Variants in IFT172 observed in about 807,000 individuals in gnomAD.
IFT172 encodes the protein intraflagellar transport protein 172 homolog.
A neutral mutation model predicts 248.9 loss-of-function variants in IFT172; 164 were observed. The ratio of observed to expected loss-of-function variants is 0.66; its 90% CI spans 0.58 to 0.75. The LOEUF (loss-of-function observed/expected upper bound fraction) is 0.75. Ranked by LOEUF, IFT172 falls within the 30% of genes least tolerant of loss-of-function variation. The probability of loss-of-function intolerance (pLI) is 0.00; values close to 1 mark genes in which losing one functional copy is unlikely to be tolerated. For synonymous variants in IFT172, 729 were observed against 791.6 expected (o/e 0.92, Z 1.33); for missense variants, 1,950 against 2,192.4 (o/e 0.89, Z 2.21).
chr2:27,479,191 G>C (rs1668171363), intron 10 of IFT172, among the ~76,000 whole-genome samples: 1 of 152,092 alleles, frequency 6.6e-6, no homozygotes, highest in African/African-American at 2.4e-5. Flanking sequence ...ATTTTTAGTA[G>C]AGACGGGGTT....
intron 16 of IFT172, among the ~76,000 whole-genome samples, chr2:27,469,325 G>A (rs1667376232): frequency 6.6e-6 from 1 of 151,952 alleles, no homozygotes; most frequent in Non-Finnish European, 1.5e-5. Flanking sequence ...CCTGGGAGGT[G>A]GAGGTTGCAA....
rs1407728980 is a variant in IFT172, at chr2:27,483,841, C to T, written c.402+31G>A. On this transcript the variant is annotated intron_variant, in intron 5 of 47. Transcript: ENST00000260570. ...CTCCAGAACCATTATCCCTACCACCCCCTCTCTTGTGTTTCCCTTCCCTCT... is the reference window on the plus strand; with the variant it reads ...CTCCAGAACCATTATCCCTACCACCTCCTCTCTTGTGTTTCCCTTCCCTCT... 9.0e-6 allele frequency: 14 copies of T among 1,560,162 alleles called. No individual in the cohort carries two copies. The East Asian group carries it at 1.1e-4, about 12-fold the overall frequency.
chr2:27,449,439 GGA>G (rs1665453706), intron 38 of IFT172, 58 bp downstream of exon 38: 4 of 1,612,744 alleles, frequency 2.5e-6, no homozygotes, highest in African/African-American at 1.3e-5. Context: ...GAAAGAAGAG[GGA>G]GAGAGTCTTG....
rs1329239436 is a variant in IFT172 at position 27,465,764 on chromosome 2, T to C, written c.1811A>G (p.Asp604Gly). 6.2e-6 allele frequency: 10 copies of C among 1,614,118 alleles called. No homozygotes were observed. Among genetic ancestry groups the C allele is most frequent in the South Asian group, 1.1e-5 (1 of 91,072 alleles). ...CTCTCACCGGATGTAGTTGCCATCA[T>C]CAATGGCTGTTCCAAACTCGATGAG... ...EGLIEFGTAIDDGNYIRATAF... is the reference protein window; with the variant it reads ...EGLIEFGTAIGDGNYIRATAF... The change falls in exon 17 of 48, where the codon GAT becomes GGT. Residue 604 changes from aspartate to glycine, a missense_variant. This residue lies in a region of IFT172 where 1,166 missense variants were observed against 1,254.1 expected (regional missense o/e 0.93). Transcript: ENST00000260570.
rs766026056 is a variant in IFT172, at chr2:27,456,657, T to C, written c.3229-4A>G. ...CCCCTCCTTGAGTTCTGGCCACCTG[T>C]AAAGCAAAGTCACTCAATAATCCTG... On this transcript the variant is annotated splice_region_variant and splice_polypyrimidine_tract_variant and intron_variant, in intron 29 of 47. Coordinates refer to ENST00000260570, the MANE Select transcript of IFT172 (RefSeq NM_015662.3). 8.1e-6 allele frequency: 13 copies of C among 1,612,364 alleles called. No individual in the cohort carries two copies. Among genetic ancestry groups the C allele is most frequent in the Admixed American group, 1.7e-5 (1 of 59,650 alleles).
In IFT172 at chr2:27,454,536, T is replaced by A. The variant is rs200359319; in HGVS notation, c.3465+31A>T. ...GCACTAGGGGATGGAATAAGAGGGC[T>A]CTGCGGTCGGGGTCCAAATCACACC... On this transcript the variant is annotated intron_variant, in intron 31 of 47. Transcript: ENST00000260570. This position sits in a 1 kb window ranked among gnomAD's most constrained non-coding sequence, Gnocchi z 4.2. 2.4e-4 allele frequency: 381 copies of A among 1,611,948 alleles called. No homozygotes were observed. Among genetic ancestry groups the A allele is most frequent in the Non-Finnish European group, 2.9e-4 (347 of 1,178,088 alleles).
rs1161953773 is a variant in IFT172, at chr2:27,489,653, T to TG, written c.-1dup. ...AGGGTCCTCAGGTGCTTCAAGTGCATGACGCACACCTGTCTTTCAGATGCT... is the reference window on the plus strand; with the variant it reads ...AGGGTCCTCAGGTGCTTCAAGTGCATGGACGCACACCTGTCTTTCAGATGCT... On this transcript the variant is annotated 5_prime_UTR_variant, in exon 1 of 48. Coordinates refer to ENST00000260570, the MANE Select transcript of IFT172 (RefSeq NM_015662.3). The TG allele has an allele frequency of 9.3e-6, 15 of 1,611,944 alleles. No individual in the cohort carries two copies. Among genetic ancestry groups the TG allele is most frequent in the Non-Finnish European group, 1.3e-5 (15 of 1,178,504 alleles).
chr2:27,448,956 AT>A lies in IFT172; in HGVS notation c.4386del (p.Leu1463TrpfsTer27). Reference protein sequence around the residue: ...HLIREGSSAQALALYVQHGAP... With the variant: ...HLIREGSSAQXLALYVQHGAP... ...GCTCCGTGCTGTACATACAGGGCCA[AT>A]GCCTGGGCAGAGCTACCCTCCCGGA... On this transcript the variant is annotated frameshift_variant, in exon 40 of 48. Coordinates refer to ENST00000260570, the MANE Select transcript of IFT172 (RefSeq NM_015662.3). LOFTEE classifies it high-confidence loss of function. The A allele has an allele frequency of 6.2e-7, 1 of 1,610,582 alleles. No individual in the cohort carries two copies. Among genetic ancestry groups the A allele is most frequent in the Non-Finnish European group, 8.5e-7 (1 of 1,176,718 alleles).
At chr2:27,463,927 G>A (rs1010027112) in intron 18 of IFT172, among the ~76,000 whole-genome samples, 1 of 152,142 alleles carries the variant, frequency 6.6e-6, no homozygotes, top group East Asian at 1.9e-4. Flanking sequence ...CAGGGCTAAG[G>A]CCACACAAGG....
At chr2:27,468,665 C>T (rs547069484) in intron 16 of IFT172, among the ~76,000 whole-genome samples, 9 of 151,786 alleles carry the variant, frequency 5.9e-5, no homozygotes, top group African/African-American at 1.4e-4. Flanking sequence ...CTGGCTAACA[C>T]GGTGAAACCC....
chr2:27,470,734 G>C, intron 16 of IFT172, 194 bp downstream of exon 16: 1 of 502,058 alleles, frequency 2.0e-6, no homozygotes, highest in Non-Finnish European at 3.4e-6. Flanking sequence ...ATACTCCAAG[G>C]GTCTAATATA....
At chr2:27,481,968 T>C (rs961220481) in intron 7 of IFT172, among the ~76,000 whole-genome samples, 1 of 151,784 alleles carries the variant, frequency 6.6e-6, no homozygotes, top group Non-Finnish European at 1.5e-5. Flanking sequence ...CAAATTTCAG[T>C]ATTATACGAA....
intron 23 of IFT172, 80 bp downstream of exon 23, chr2:27,460,935 C>T (rs1374993235): frequency 1.3e-6 from 2 of 1,521,358 alleles, no homozygotes; most frequent in East Asian, 2.3e-5. Context: ...GTAGGGGCAA[C>T]CCACCCCTAC....
rs2148515483 is a variant in IFT172 at position 27,465,505 on chromosome 2, A to G, written c.1843T>C (p.Leu615=). The change falls in exon 18 of 48, where the codon TTA becomes CTA. Residue 615 remains leucine (L), a synonymous_variant. Coordinates refer to ENST00000260570, the MANE Select transcript of IFT172 (RefSeq NM_015662.3). ...TCTGGGGTCATTTCCAGAGTCTCTA[A>G]GAAGGCTGTTGCCCTGGAAAGGGAA... ...DGNYIRATAF[L]ETLEMTPETE... The G allele has an allele frequency of 6.2e-7, 1 of 1,614,140 alleles. No homozygotes were observed. The highest frequency in any genetic ancestry group is 8.5e-7 in the Non-Finnish European group (1 of 1,180,008).
chr2:27,472,253 A>G lies in IFT172; in HGVS notation c.1521T>C (p.Leu507=), dbSNP rs1296581026. Reference sequence around the variant, plus strand: ...AGGCCTTAGTAGCTCTTCTCACACGAAGTTTCCGGTCCCTGAAGAGGAGCT... The same window carrying G: ...AGGCCTTAGTAGCTCTTCTCACACGGAGTTTCCGGTCCCTGAAGAGGAGCT... ...GHKLLFRDRK[L]RLHLYDIESC... is the part of the protein sequence containing the mutation. The change falls in exon 15 of 48, where the codon CTT becomes CTC. Residue 507 remains leucine, a synonymous_variant. Transcript: ENST00000260570. 17 of 1,612,906 alleles carry G rather than the reference A, an allele frequency of 1.1e-5. No homozygotes were observed. The highest frequency in any genetic ancestry group is 1.4e-5 in the Non-Finnish European group (17 of 1,178,946).
intron 14 of IFT172, among the ~76,000 whole-genome samples, chr2:27,476,440 T>C (rs1667958144): frequency 2.0e-5 from 3 of 152,146 alleles, no homozygotes; most frequent in Non-Finnish European, 2.9e-5. Context: ...GACTGAACCT[T>C]TGTTTTTATA....
At position 27,445,196 on chromosome 2, in the gene IFT172, CTGTCT is replaced by C. The variant is rs1337263887; in HGVS notation, c.5068+95_5069-92del. ...AGCCTGGGGGGTAGAAAGCACAGTC[CTGTCT>C]TTTGTACCCTTTACTGAATCCTAGT... On this transcript the variant is annotated intron_variant, in intron 46 of 47. Coordinates refer to ENST00000260570, the MANE Select transcript of IFT172 (RefSeq NM_015662.3). This position sits in a 1 kb window ranked among gnomAD's most constrained non-coding sequence, Gnocchi z 4.4. 3.1e-6 allele frequency: 5 copies of C among 1,591,476 alleles called. No homozygotes were observed. The African/African-American group carries it at 6.7e-5, about 21-fold the overall frequency.
intron 16 of IFT172, among the ~76,000 whole-genome samples, chr2:27,469,934 T>C (rs1014388190): frequency 2.6e-5 from 4 of 152,220 alleles, no homozygotes; most frequent in Non-Finnish European, 5.9e-5. Context: ...TAAAGTCTTG[T>C]ATTGTTTGCA....
intron 17 of IFT172, 59 bp from the exon 18 acceptor site, chr2:27,465,577 G>T: frequency 6.4e-7 from 1 of 1,570,856 alleles, no homozygotes. Flanking sequence ...AGATACAGCA[G>T]AAGACTGGTG....
Sources: gnomAD v4.1 joint callset for allele counts (sites outside exome capture counted in the v4.1 genomes callset) on GRCh38, gnomAD v4.1.1 for gene constraint, gnomAD v4.1.1 regional missense constraint, Gnocchi (gnomAD v3.1) non-coding constraint, MANE v1.5 for transcripts, NCBI Gene and HGNC (gene_info 2026-07-23, HGNC 2026-07-21) for gene names.